Variants in RAP1A observed in about 807,000 individuals in gnomAD.
The protein encoded by RAP1A is ras-related protein Rap-1A.
Under a neutral mutation model 26.4 loss-of-function variants are expected in RAP1A, and 6 were observed. The ratio of observed to expected loss-of-function variants is 0.23; its 90% CI spans 0.12 to 0.45. The LOEUF (loss-of-function observed/expected upper bound fraction) is 0.45. Ranked by LOEUF, RAP1A falls within the 20% of genes least tolerant of loss-of-function variation. The pLI, the probability that RAP1A is intolerant of heterozygous loss-of-function variation, is 0.99. For missense variants in RAP1A, 121 were observed against 217.2 expected (o/e 0.56, Z 2.78); for synonymous variants, 73 against 79.4 (o/e 0.92, Z 0.43).
intron 4 of RAP1A, 125 bp from the exon 5 acceptor site, chr1:111,703,210 CT>C (rs1412748888): frequency 5.0e-6 from 3 of 602,394 alleles, no homozygotes; most frequent in Non-Finnish European, 7.7e-6. Flanking sequence ...TGTGTTATGT[CT>C]TGTTTTCTGT....
chr1:111,547,527 T>A lies in RAP1A; in HGVS notation c.-28+5018T>A, dbSNP rs538722922. 6.6e-5 allele frequency among the ~76,000 whole-genome samples: 10 copies of A among 152,330 alleles called. No homozygotes were observed. The South Asian group carries it at 8.3e-4, about 13-fold the overall frequency. ...ACTAATTTCTCAACATTAAGCTCCATCAATTCAAGACACTTTTGTAAGTGA... is the reference window on the plus strand; with the variant it reads ...ACTAATTTCTCAACATTAAGCTCCAACAATTCAAGACACTTTTGTAAGTGA... On this transcript the variant is annotated intron_variant, in intron 1 of 7. Transcript: ENST00000356415.
At chr1:111,593,837 A>G (rs1355908186) in intron 1 of RAP1A, among the ~76,000 whole-genome samples, 1 of 151,992 alleles carries the variant, frequency 6.6e-6, no homozygotes, top group Non-Finnish European at 1.5e-5. Context: ...AACAAGGCCT[A>G]AGATTCATTC....
At chr1:111,636,019 G>C (rs1659720020) in intron 1 of RAP1A, among the ~76,000 whole-genome samples, 1 of 152,076 alleles carries the variant, frequency 6.6e-6, no homozygotes, top group Admixed American at 6.6e-5. Flanking sequence ...TAGTTTCATT[G>C]TTTATGTATA....
intron 1 of RAP1A, among the ~76,000 whole-genome samples, chr1:111,598,803 A>C (rs988520528): frequency 6.6e-6 from 1 of 152,150 alleles, no homozygotes; most frequent in Non-Finnish European, 1.5e-5. Context: ...ACCTGGCGAT[A>C]GCAGTAGAAA....
chr1:111,689,538 T>C (rs1238903760), intron 1 of RAP1A, among the ~76,000 whole-genome samples: 2 of 151,820 alleles, frequency 1.3e-5, no homozygotes, highest in Non-Finnish European at 2.9e-5. Flanking sequence ...TTATTATATG[T>C]GTGCCATTTT....
chr1:111,674,039 C>G (rs569810781), intron 1 of RAP1A, among the ~76,000 whole-genome samples: 11 of 152,290 alleles, frequency 7.2e-5, no homozygotes, highest in African/African-American at 2.4e-4. Flanking sequence ...TTGACCATCT[C>G]TGAGTTCTTT....
intron 1 of RAP1A, chr1:111,649,149 G>C: frequency 1.8e-6 from 1 of 568,286 alleles, no homozygotes. Context: ...ATTGTCCACA[G>C]TATTTAAGAA....
At chr1:111,591,281 T>G (rs1246302216) in intron 1 of RAP1A, among the ~76,000 whole-genome samples, 1 of 152,150 alleles carries the variant, frequency 6.6e-6, no homozygotes, top group East Asian at 1.9e-4. Context: ...AGAACCAGCT[T>G]TTTGTTCTCC....
At chr1:111,658,343 C>T (rs1166373073) in intron 1 of RAP1A, among the ~76,000 whole-genome samples, 2 of 152,136 alleles carry the variant, frequency 1.3e-5, no homozygotes, top group African/African-American at 4.8e-5. Flanking sequence ...GACCCTGTCT[C>T]TAAAATAATT....
At chr1:111,647,001 C>A (rs1416556289) in intron 1 of RAP1A, among the ~76,000 whole-genome samples, 1 of 152,114 alleles carries the variant, frequency 6.6e-6, no homozygotes, top group African/African-American at 2.4e-5. Context: ...GTCATATTTT[C>A]CTTTGTCTCT....
At chr1:111,551,174 T>G (rs1452551278) in intron 1 of RAP1A, among the ~76,000 whole-genome samples, 2 of 151,476 alleles carry the variant, frequency 1.3e-5, no homozygotes, top group South Asian at 4.2e-4. Flanking sequence ...TTGGATCATG[T>G]TTTTTTTTGA....
At chr1:111,657,463 G>A (rs1571536097) in intron 1 of RAP1A, among the ~76,000 whole-genome samples, 2 of 152,112 alleles carry the variant, frequency 1.3e-5, no homozygotes, top group South Asian at 4.1e-4. Context: ...TACTCAACCT[G>A]TAGTCCAATT....
At chr1:111,567,714 A>G (rs1657952735) in intron 1 of RAP1A, among the ~76,000 whole-genome samples, 1 of 152,112 alleles carries the variant, frequency 6.6e-6, no homozygotes, top group African/African-American at 2.4e-5. Flanking sequence ...CTCTTTCTCT[A>G]TCTTCCCCAC....
At chr1:111,668,464 T>C (rs1401308137) in intron 1 of RAP1A, among the ~76,000 whole-genome samples, 1 of 152,202 alleles carries the variant, frequency 6.6e-6, no homozygotes, top group Non-Finnish European at 1.5e-5. Flanking sequence ...AACCTTGAAC[T>C]CTTCAGTACT....
chr1:111,553,704 T>C (rs1173268112), intron 1 of RAP1A, among the ~76,000 whole-genome samples: 1 of 152,212 alleles, frequency 6.6e-6, no homozygotes, highest in Non-Finnish European at 1.5e-5. Flanking sequence ...ACACGTATAC[T>C]GTGATGTTCC....
At chr1:111,647,144 C>T (rs1001870093) in intron 1 of RAP1A, among the ~76,000 whole-genome samples, 24 of 152,224 alleles carry the variant, frequency 1.6e-4, no homozygotes, top group Non-Finnish European at 1.8e-4. Flanking sequence ...GCCTGAGCCC[C>T]GCCTCTTATC....
intron 1 of RAP1A, among the ~76,000 whole-genome samples, chr1:111,592,663 G>A (rs866675915): frequency 5.9e-5 from 9 of 152,268 alleles, no homozygotes; most frequent in South Asian, 2.1e-4. Flanking sequence ...GAGAACTCTG[G>A]GGTATGTTTC....
At position 111,715,333 on chromosome 1, in the gene RAP1A, C is replaced by T. The variant is rs1220987023; in HGVS notation, c.*2932C>T. On this transcript the variant is annotated 3_prime_UTR_variant, in exon 8 of 8. Transcript: ENST00000369709. The stretch of plus-strand genomic sequence containing the variant: ...CTTCGTGATCCGCCCCCCCCTCAGC[C>T]TCCCAAAGTGCTGGGATTACAGGCG... 3 of 151,652 alleles carry T rather than the reference C, an allele frequency of 2.0e-5. No homozygotes were observed. The highest frequency in any genetic ancestry group is 6.6e-5 in the Admixed American group (1 of 15,254). 9.4% of individuals were successfully genotyped at this position (151,652 alleles called of 1,614,324 possible).
At chr1:111,590,664 A>G (rs1571486288) in intron 1 of RAP1A, among the ~76,000 whole-genome samples, 1 of 150,922 alleles carries the variant, frequency 6.6e-6, no homozygotes. Context: ...AAAGTGATCC[A>G]CCCGCCTCGG....
Sources: gnomAD v4.1 joint callset for allele counts (sites outside exome capture counted in the v4.1 genomes callset) on GRCh38, gnomAD v4.1.1 for gene constraint, MANE v1.5 for transcripts, NCBI Gene and HGNC (gene_info 2026-07-23, HGNC 2026-07-21) for gene names.